MACROD2: variants seen among roughly 807,000 people sequenced by gnomAD.
MACROD2 encodes mono-ADP ribosylhydrolase 2.
A neutral mutation model predicts 70.4 loss-of-function variants in MACROD2; 36 were observed. The ratio of observed to expected loss-of-function variants is 0.51; its 90% CI spans 0.39 to 0.68. MACROD2 has a LOEUF of 0.68. MACROD2 is among the 30% of genes least tolerant of loss of function. The pLI, the probability that MACROD2 is intolerant of heterozygous loss-of-function variation, is 0.00. For synonymous variants in MACROD2, 172 were observed against 178.8 expected, an observed-to-expected ratio of 0.96 and a Z score of 0.30; for missense variants, 496 against 538.4, an observed-to-expected ratio of 0.92 and a Z score of 0.78.
intron 3 of MACROD2, among the ~76,000 whole-genome samples, chr20:14,464,927 C>A (rs2123028253): frequency 6.6e-6 from 1 of 152,178 alleles, no homozygotes; most frequent in East Asian, 1.9e-4. Context: ...TATTCTTTTA[C>A]ATTTGCTGAG....
chr20:14,512,824 C>T (rs533568563), intron 4 of MACROD2, among the ~76,000 whole-genome samples: 5 of 152,176 alleles, frequency 3.3e-5, no homozygotes, highest in East Asian at 3.9e-4. Context: ...CTCATGTTTA[C>T]GATTTTTTTC....
At chr20:14,552,599 T>C (rs896126451) in intron 4 of MACROD2, among the ~76,000 whole-genome samples, 2 of 151,972 alleles carry the variant, frequency 1.3e-5, no homozygotes, top group Non-Finnish European at 2.9e-5. Flanking sequence ...TGTGTGAACA[T>C]CATAGAGTGA....
At chr20:15,402,245 G>A (rs1270128052) in intron 6 of MACROD2, among the ~76,000 whole-genome samples, 2 of 152,116 alleles carry the variant, frequency 1.3e-5, no homozygotes, top group Admixed American at 6.5e-5. Flanking sequence ...ACTCATCCTT[G>A]GAACCTGGCT....
At chr20:14,808,844 G>A (rs546690625) in intron 5 of MACROD2, among the ~76,000 whole-genome samples, 1 of 151,748 alleles carries the variant, frequency 6.6e-6, no homozygotes, top group East Asian at 1.9e-4. Context: ...ACAAAGAAGG[G>A]CATTACATAA....
At chr20:14,976,663 C>A (rs2074742344) in intron 5 of MACROD2, among the ~76,000 whole-genome samples, 1 of 152,154 alleles carries the variant, frequency 6.6e-6, no homozygotes, top group Non-Finnish European at 1.5e-5. Context: ...ATGTAATATT[C>A]TAGATGGATG....
intron 8 of MACROD2, among the ~76,000 whole-genome samples, chr20:15,625,987 C>T (rs2049197120): frequency 6.6e-6 from 1 of 150,804 alleles, no homozygotes; most frequent in Non-Finnish European, 1.5e-5. Context: ...GGAAAAGATG[C>T]CCAACTTGGG....
intron 8 of MACROD2, among the ~76,000 whole-genome samples, chr20:15,633,510 G>A (rs961874049): frequency 6.6e-6 from 1 of 152,068 alleles, no homozygotes; most frequent in African/African-American, 2.4e-5. Context: ...CATTTTTAGA[G>A]AGGTAGGGCT....
intron 6 of MACROD2, among the ~76,000 whole-genome samples, chr20:15,401,416 T>C (rs1451669779): frequency 6.6e-6 from 1 of 152,192 alleles, no homozygotes; most frequent in African/African-American, 2.4e-5. Context: ...AGAAATGTTT[T>C]CATCGGTACA....
chr20:14,111,038 A>G (rs1856550), intron 3 of MACROD2, among the ~76,000 whole-genome samples: 6,244 of 152,122 alleles, frequency 0.041, 174 homozygotes, highest in African/African-American at 0.08. Context: ...CACATAGACT[A>G]ATGGAACAGA....
chr20:15,763,177 C>T (rs1178517521), intron 8 of MACROD2, among the ~76,000 whole-genome samples: 1 of 152,142 alleles, frequency 6.6e-6, no homozygotes, highest in Non-Finnish European at 1.5e-5. Flanking sequence ...TGCGCACCGC[C>T]ACTGACATAT....
intron 3 of MACROD2, among the ~76,000 whole-genome samples, chr20:14,309,018 A>G (rs369627128): frequency 3.9e-5 from 6 of 152,146 alleles, no homozygotes; most frequent in African/African-American, 1.4e-4. Flanking sequence ...GTATCTTTGG[A>G]TCATATACCA....
At chr20:14,516,053 A>G (rs930800232) in intron 4 of MACROD2, among the ~76,000 whole-genome samples, 2 of 148,298 alleles carry the variant, frequency 1.3e-5, no homozygotes, top group Non-Finnish European at 3.0e-5. Context: ...TTTTATATCT[A>G]TAAAATCATT....
intron 4 of MACROD2, among the ~76,000 whole-genome samples, chr20:14,636,128 G>T (rs539102523): frequency 6.6e-6 from 1 of 152,098 alleles, no homozygotes; most frequent in Non-Finnish European, 1.5e-5. Flanking sequence ...CACAGAGCTT[G>T]TCACCTATAA....
At chr20:14,154,337 T>A (rs962333134) in intron 3 of MACROD2, among the ~76,000 whole-genome samples, 25 of 151,988 alleles carry the variant, frequency 1.6e-4, no homozygotes, top group African/African-American at 5.1e-4. Context: ...GCGCTGAAAA[T>A]GGAACCTGCT....
At chr20:15,349,033 A>G (rs2078198063) in intron 6 of MACROD2, among the ~76,000 whole-genome samples, 1 of 152,116 alleles carries the variant, frequency 6.6e-6, no homozygotes, top group South Asian at 2.1e-4. Context: ...TTATTTTTTT[A>G]ATGGGTTAAT....
At chr20:15,680,216 T>C (rs1042287718) in intron 8 of MACROD2, among the ~76,000 whole-genome samples, 1 of 152,180 alleles carries the variant, frequency 6.6e-6, no homozygotes, top group Non-Finnish European at 1.5e-5. Flanking sequence ...GTGACGGTGT[T>C]TCCAATTGAC....
intron 3 of MACROD2, among the ~76,000 whole-genome samples, chr20:14,354,172 T>C (rs1023509673): frequency 2.0e-5 from 3 of 152,202 alleles, no homozygotes; most frequent in Non-Finnish European, 4.4e-5. Flanking sequence ...CTTAGGCTTT[T>C]CTTTTCTTTG....
intron 3 of MACROD2, among the ~76,000 whole-genome samples, chr20:14,366,834 T>A (rs911054290): frequency 6.6e-6 from 1 of 152,162 alleles, no homozygotes; most frequent in African/African-American, 2.4e-5. Flanking sequence ...TATCAAGTTA[T>A]AAAATTATAT....
intron 5 of MACROD2, among the ~76,000 whole-genome samples, chr20:14,784,284 C>T (rs79355811): frequency 0.02 from 3,048 of 152,170 alleles, 148 homozygotes; most frequent in African/African-American, 0.069. Context: ...GTTAATACCC[C>T]AAGAGTTCTT....
Sources: gnomAD v4.1 joint callset for allele counts (sites outside exome capture counted in the v4.1 genomes callset) on GRCh38, gnomAD v4.1.1 for gene constraint, MANE v1.5 for transcripts, NCBI Gene and HGNC (gene_info 2026-07-23, HGNC 2026-07-21) for gene names.